Variants in TCF4 observed in about 807,000 individuals in gnomAD.
TCF4 encodes the protein SL3-3 enhancer factor 2.
In TCF4, 3 loss-of-function variants were observed where a neutral mutation model predicts 82.1. The ratio of observed to expected loss-of-function variants is 0.04; its 90% CI spans 0.02 to 0.09. The LOEUF (loss-of-function observed/expected upper bound fraction) is 0.09. Ranked by LOEUF, TCF4 falls within the 10% of genes least tolerant of loss-of-function variation. The pLI, the probability that TCF4 is intolerant of heterozygous loss-of-function variation, is 1.00. For missense variants in TCF4, 518 were observed against 852.7 expected (o/e 0.61, Z 4.89); for synonymous variants, 276 against 309.6 (o/e 0.89, Z 1.14).
At chr18:55,381,361 A>G (rs1361633989) in intron 6 of TCF4, among the ~76,000 whole-genome samples, 1 of 152,222 alleles carries the variant, frequency 6.6e-6, no homozygotes, top group African/African-American at 2.4e-5. Context: ...CAACCAGGCC[A>G]AGGTCTCAGT....
At chr18:55,329,112 C>A (rs757686832) in intron 8 of TCF4, among the ~76,000 whole-genome samples, 1 of 152,134 alleles carries the variant, frequency 6.6e-6, no homozygotes, top group Non-Finnish European at 1.5e-5. Context: ...AAGTGAATGA[C>A]CATACAGTGA....
rs35262105 is a variant in TCF4 at position 55,426,099 on chromosome 18, T to TTATATATATATA, written c.305-22593_305-22582dup. Among the ~76,000 whole-genome samples, 139 of 139,110 alleles carry TTATATATATATA rather than the reference T, an allele frequency of 1.0e-3. 1 individual carries two copies. Among genetic ancestry groups the TTATATATATATA allele is most frequent in the African/African-American group, 3.7e-3 (131 of 35,364 alleles). The allele number at this position is 139,110 out of a possible 152,430, so 91.3% of individuals were successfully genotyped here. On this transcript the variant is annotated intron_variant, in intron 5 of 19. Transcript: ENST00000354452. Reference sequence around the variant, plus strand: ...AAAACACAAACCAAGACAAAAAATTTTATATATATATATATATATACACAC... The same window carrying TTATATATATATA: ...AAAACACAAACCAAGACAAAAAATTTTATATATATATATATATATATATATATATATACACAC...
At chr18:55,469,469 AAAATAAT>A (rs1389698381) in intron 3 of TCF4, 1 of 152,198 alleles carries the variant, frequency 6.6e-6, no homozygotes, top group Non-Finnish European at 1.5e-5. Flanking sequence ...CTCAAAAAAA[AAAATAAT>A]AAATAAAGTA....
At chr18:55,416,011 C>T (rs1334387962) in intron 5 of TCF4, among the ~76,000 whole-genome samples, 1 of 152,026 alleles carries the variant, frequency 6.6e-6, no homozygotes, top group Non-Finnish European at 1.5e-5. Context: ...CTTATTTTCC[C>T]ACTGGTTTGT....
chr18:55,527,628 AG>A (rs1252804344), intron 3 of TCF4, among the ~76,000 whole-genome samples: 1 of 152,212 alleles, frequency 6.6e-6, no homozygotes, highest in Non-Finnish European at 1.5e-5. Context: ...GCAATTAAAA[AG>A]CATAACACCA....
At chr18:55,588,551 T>A (rs1338433074), upstream of TCF4, 1 of 1,530,244 alleles carries the variant, frequency 6.5e-7, no homozygotes, top group Admixed American at 2.0e-5. Context: ...GGAGGCACTT[T>A]GAAATTTATT....
chr18:55,418,029 GTGTGTGTGTGTGTGTATC>G (rs1234307964), intron 5 of TCF4, among the ~76,000 whole-genome samples: 12 of 151,526 alleles, frequency 7.9e-5, no homozygotes, highest in Non-Finnish European at 1.5e-4. Flanking sequence ...GTGTGTGTGT[GTGTGTGTGTGTGTGTATC>G]TGTGTGTGTA....
intron 3 of TCF4, among the ~76,000 whole-genome samples, chr18:55,526,547 T>C (rs2096986530): frequency 6.6e-6 from 1 of 152,170 alleles, no homozygotes; most frequent in South Asian, 2.1e-4. Flanking sequence ...ATTTTACCTC[T>C]GACACCACAT....
At chr18:55,331,783 G>T (rs1475721810) in intron 8 of TCF4, among the ~76,000 whole-genome samples, 1 of 152,150 alleles carries the variant, frequency 6.6e-6, no homozygotes, top group Non-Finnish European at 1.5e-5. Context: ...TCATGAACCT[G>T]GTCTGTCCTT....
chr18:55,352,016 G>A (rs1476489516), intron 6 of TCF4: 1 of 615,370 alleles, frequency 1.6e-6, no homozygotes, highest in Non-Finnish European at 2.0e-6. Context: ...ATAAAGTACA[G>A]AATGTGTTTT....
chr18:55,609,716 T>C (rs1276550676), intron 2 of TCF4, among the ~76,000 whole-genome samples: 3 of 152,170 alleles, frequency 2.0e-5, no homozygotes, highest in Non-Finnish European at 4.4e-5. Flanking sequence ...CACTTTAGAC[T>C]CTGCATTTTC....
In TCF4 at chr18:55,383,427, C is replaced by G. The variant is rs62092452; in HGVS notation, c.369+20027G>C. 6.0e-3 allele frequency among the ~76,000 whole-genome samples: 919 copies of G among 152,278 alleles called. 3 individuals are homozygous for G. The highest frequency in any genetic ancestry group is 9.4e-3 in the Non-Finnish European group (641 of 68,020). On this transcript the variant is annotated intron_variant, in intron 6 of 19. Coordinates refer to ENST00000354452, the MANE Select transcript of TCF4 (RefSeq NM_001083962.2). Reference sequence around the variant, plus strand: ...TGATAAACCTAGGATACCACTAAATCACTTCCAAATATAGCAAGCACCCCC... The same window carrying G: ...TGATAAACCTAGGATACCACTAAATGACTTCCAAATATAGCAAGCACCCCC...
At chr18:55,590,007 A>C (rs1748437850), upstream of TCF4, among the ~76,000 whole-genome samples, 1 of 152,102 alleles carries the variant, frequency 6.6e-6, no homozygotes, top group African/African-American at 2.4e-5. Context: ...GCACTGTGGG[A>C]GTTCCCGAGG....
chr18:55,562,281 T>C (rs2097361868), intron 3 of TCF4, among the ~76,000 whole-genome samples: 1 of 152,216 alleles, frequency 6.6e-6, no homozygotes. Flanking sequence ...GTTTATTCTC[T>C]AGTTCTTTAC....
At chr18:55,370,646 A>C (rs1040955454) in intron 6 of TCF4, among the ~76,000 whole-genome samples, 1 of 152,172 alleles carries the variant, frequency 6.6e-6, no homozygotes, top group Admixed American at 6.5e-5. Flanking sequence ...CTGTACATAT[A>C]GTGCAAATGA....
chr18:55,392,462 C>CAAAAAA (rs772409228), intron 6 of TCF4, among the ~76,000 whole-genome samples: 1 of 95,520 alleles, frequency 1.0e-5, no homozygotes, highest in East Asian at 3.1e-4. Flanking sequence ...AACAACCCCA[C>CAAAAAA]AAAAAAAAAA....
At chr18:55,501,969 A>C (rs1457192350) in intron 3 of TCF4, among the ~76,000 whole-genome samples, 1 of 152,216 alleles carries the variant, frequency 6.6e-6, no homozygotes, top group African/African-American at 2.4e-5. Flanking sequence ...GTAGCAACTC[A>C]GAAGTAACAT....
At chr18:55,478,082 A>G (rs1459018610) in intron 3 of TCF4, among the ~76,000 whole-genome samples, 1 of 152,256 alleles carries the variant, frequency 6.6e-6, no homozygotes, top group African/African-American at 2.4e-5. Context: ...ATAACCAGAC[A>G]TCTTGAGAGA....
At chr18:55,338,675 G>A (rs564093451) in intron 8 of TCF4, among the ~76,000 whole-genome samples, 4 of 152,216 alleles carry the variant, frequency 2.6e-5, no homozygotes, top group African/African-American at 9.6e-5. Flanking sequence ...GATTCTTAGG[G>A]AGGAAGATGA....
Sources: gnomAD v4.1 joint callset for allele counts (sites outside exome capture counted in the v4.1 genomes callset) on GRCh38, gnomAD v4.1.1 for gene constraint, MANE v1.5 for transcripts, NCBI Gene and HGNC (gene_info 2026-07-23, HGNC 2026-07-21) for gene names.